Variants in MEGF10 observed in about 807,000 individuals in gnomAD.
MEGF10 encodes multiple epidermal growth factor-like domains protein 10.
MEGF10 carries 86 observed loss-of-function variants against 147.5 expected under a neutral mutation model. The ratio of observed to expected loss-of-function variants is 0.58; its 90% CI spans 0.49 to 0.70. The LOEUF is 0.70. Among genes scored for constraint, MEGF10 ranks in the 30% least tolerant of loss-of-function variants. MEGF10 has a pLI of 0.00. For synonymous variants in MEGF10, 478 were observed against 525.5 expected (o/e 0.91, Z 1.24); for missense variants, 1,329 against 1,487.3 (o/e 0.89, Z 1.75).
intron 2 of MEGF10, among the ~76,000 whole-genome samples, chr5:127,334,417 G>A (rs1452229711): frequency 6.6e-6 from 1 of 152,096 alleles, no homozygotes; most frequent in Non-Finnish European, 1.5e-5. Flanking sequence ...CAAGATCCCA[G>A]GGAGGTTTGT....
At chr5:127,455,279 G>T in intron 23 of MEGF10, 122 bp from the exon 24 acceptor site, 1 of 853,206 alleles carries the variant, frequency 1.2e-6, no homozygotes. Context: ...AAAAGGTACA[G>T]TATTATTTTC....
At chr5:127,367,395 A>C (rs1184360227) in intron 4 of MEGF10, among the ~76,000 whole-genome samples, 1 of 152,208 alleles carries the variant, frequency 6.6e-6, no homozygotes. Context: ...TCAAATTCTC[A>C]AATGGTAATA....
intron 21 of MEGF10, among the ~76,000 whole-genome samples, chr5:127,448,576 C>G (rs985519748): frequency 6.6e-5 from 10 of 152,110 alleles, no homozygotes; most frequent in Non-Finnish European, 8.8e-5. Flanking sequence ...TTAATTAATG[C>G]AGCTATAGAT....
intron 4 of MEGF10, among the ~76,000 whole-genome samples, chr5:127,346,226 A>G (rs1431444583): frequency 6.6e-6 from 1 of 152,174 alleles, no homozygotes. Context: ...GATACCCAAT[A>G]GTGGGATTGC....
intron 21 of MEGF10, among the ~76,000 whole-genome samples, chr5:127,448,850 T>C (rs1215347151): frequency 6.6e-6 from 1 of 151,494 alleles, no homozygotes; most frequent in Non-Finnish European, 1.5e-5. Flanking sequence ...TAAGGTCTAA[T>C]TGGCACAGGA....
chr5:127,363,242 G>A (rs1762540054), intron 4 of MEGF10, among the ~76,000 whole-genome samples: 1 of 152,188 alleles, frequency 6.6e-6, no homozygotes. Context: ...GTTCAAAAGA[G>A]CAGTGTATTA....
intron 1 of MEGF10, among the ~76,000 whole-genome samples, chr5:127,314,115 C>T (rs970102553): frequency 3.9e-5 from 6 of 152,170 alleles, no homozygotes; most frequent in African/African-American, 1.4e-4. Flanking sequence ...GCTGAGGCAT[C>T]TGTTCTCCCC....
intron 4 of MEGF10, among the ~76,000 whole-genome samples, chr5:127,352,769 G>A (rs1762130615): frequency 6.6e-6 from 1 of 152,200 alleles, no homozygotes; most frequent in African/African-American, 2.4e-5. Context: ...TCTTCAGAGA[G>A]CCATAAGAAC....
At chr5:127,406,124 A>AT (rs992195283) in intron 8 of MEGF10, among the ~76,000 whole-genome samples, 56 of 151,764 alleles carry the variant, frequency 3.7e-4, no homozygotes, top group Middle Eastern at 3.4e-3. Flanking sequence ...TGGCAATATA[A>AT]TTTTTTTTTG....
At chr5:127,388,876 G>T (rs1221434506) in intron 5 of MEGF10, among the ~76,000 whole-genome samples, 1 of 152,104 alleles carries the variant, frequency 6.6e-6, no homozygotes, top group Non-Finnish European at 1.5e-5. Context: ...AATGTCTTAT[G>T]TTCTCACTAC....
At chr5:127,238,790 A>G in the MEGF10 span, among the ~76,000 whole-genome samples, 1 of 150,632 alleles carries the variant, frequency 6.6e-6, no homozygotes, top group African/African-American at 2.5e-5. Context: ...TTTTGTCTGT[A>G]TAAATGATCT....
chr5:127,428,906 T>A (rs1356682099), intron 13 of MEGF10, among the ~76,000 whole-genome samples: 3 of 152,242 alleles, frequency 2.0e-5, no homozygotes, highest in African/African-American at 2.4e-5. Flanking sequence ...CATCAGGCAT[T>A]AATTGCACGA....
In MEGF10 at chr5:127,331,398, C is replaced by A. The variant is rs140458094; in HGVS notation, c.90C>A (p.Asp30Glu). 6.2e-7 allele frequency: 1 copy of A among 1,610,876 alleles called. No homozygotes were observed. Among genetic ancestry groups the A allele is most frequent in the Admixed American group, 1.7e-5 (1 of 59,932 alleles). ...IGTASPLNLE[D>E]PNVCSHWESY... ...CAGCATCACCTCTGAATCTTGAAGA[C>A]CCTAATGTGTGTAGCCACTGGGAAA... The change falls in exon 2 of 25, where the codon GAC becomes GAA. Residue 30 changes from aspartate (D) to glutamate (E), a missense_variant. Coordinates refer to ENST00000503335, the MANE Select transcript of MEGF10 (RefSeq NM_001256545.2).
upstream of MEGF10, among the ~76,000 whole-genome samples, chr5:127,286,205 T>C (rs2127017242): frequency 6.6e-6 from 1 of 152,126 alleles, no homozygotes; most frequent in East Asian, 1.9e-4. Flanking sequence ...TAAGTATAAA[T>C]ATTCAGTTAG....
At chr5:127,264,868 G>T in the MEGF10 span, among the ~76,000 whole-genome samples, 1 of 151,546 alleles carries the variant, frequency 6.6e-6, no homozygotes, top group Non-Finnish European at 1.5e-5. Flanking sequence ...TGTTACATAG[G>T]TAAACGTGTG....
At chr5:127,259,510 T>G in the MEGF10 span, among the ~76,000 whole-genome samples, 2 of 152,276 alleles carry the variant, frequency 1.3e-5, no homozygotes, top group Non-Finnish European at 2.9e-5. Context: ...AACTATCTGG[T>G]TCCTGGTTGT....
intron 13 of MEGF10, among the ~76,000 whole-genome samples, chr5:127,424,994 T>C (rs1370100608): frequency 6.6e-6 from 1 of 152,228 alleles, no homozygotes; most frequent in African/African-American, 2.4e-5. Context: ...ATTTGTTTTA[T>C]ACAACACTCC....
chr5:127,374,714 T>A (rs1762964222), intron 5 of MEGF10, among the ~76,000 whole-genome samples: 1 of 152,148 alleles, frequency 6.6e-6, no homozygotes, highest in Non-Finnish European at 1.5e-5. Flanking sequence ...TTGAAACAAC[T>A]AGCATGTAAA....
At chr5:127,297,740 C>T (rs555656318) in intron 1 of MEGF10, among the ~76,000 whole-genome samples, 1 of 152,170 alleles carries the variant, frequency 6.6e-6, no homozygotes, top group Non-Finnish European at 1.5e-5. Flanking sequence ...ATAGTACTAT[C>T]TGCGTTAAAG....
Sources: allele counts gnomAD v4.1 joint callset (sites outside exome capture counted in the v4.1 genomes callset), GRCh38; gene constraint gnomAD v4.1.1; transcripts MANE v1.5; gene names NCBI Gene and HGNC (gene_info 2026-07-23, HGNC 2026-07-21).